The following PDZD2 variants were observed in gnomAD, a reference collection of about 807,000 sequenced individuals.
The protein encoded by PDZD2 is PDZ domain containing 2, also known as PDZ domain-containing protein 2.
In PDZD2, 90 loss-of-function variants were observed where a neutral mutation model predicts 220.7. The observed-to-expected ratio is 0.41, with a 90% CI of 0.34 to 0.49. The LOEUF is 0.49. Among genes scored for constraint, PDZD2 ranks in the 20% least tolerant of loss-of-function variants. The pLI is 0.28. For synonymous variants in PDZD2, 1,375 were observed against 1,450.5 expected, an observed-to-expected ratio of 0.95 and a Z score of 1.18; for missense variants, 3,174 against 3,608.5, an observed-to-expected ratio of 0.88 and a Z score of 3.08.
chr5:31,953,708 G>A (rs953408022), intron 2 of PDZD2, among the ~76,000 whole-genome samples: 2 of 150,668 alleles, frequency 1.3e-5, no homozygotes, highest in African/African-American at 4.9e-5. Flanking sequence ...AGGCTGGAGT[G>A]CAGTGGCACA....
chr5:31,755,400 G>C (rs191582126), intron 1 of PDZD2, among the ~76,000 whole-genome samples: 1 of 152,178 alleles, frequency 6.6e-6, no homozygotes, highest in Non-Finnish European at 1.5e-5. Flanking sequence ...ATTTCGGGGT[G>C]GGGGGCGGTG....
At chr5:31,832,570 T>C (rs1756673342) in intron 2 of PDZD2, 1 of 152,194 alleles carries the variant, frequency 6.6e-6, no homozygotes, top group African/African-American at 2.4e-5. Context: ...ATCCCAGCAC[T>C]TTTGGGGGAC....
At chr5:31,785,027 T>C (rs996519368) in intron 1 of PDZD2, among the ~76,000 whole-genome samples, 2 of 152,326 alleles carry the variant, frequency 1.3e-5, no homozygotes, top group Admixed American at 6.5e-5. Flanking sequence ...TGCCTGAAGC[T>C]ACCTGAGCTA....
chr5:31,651,638 A>ATTTT (rs1261752746), intron 1 of PDZD2, among the ~76,000 whole-genome samples: 2,869 of 151,318 alleles, frequency 0.019, 102 homozygotes, highest in African/African-American at 0.065. Context: ...TTATTTATTT[A>ATTTT]TTTATTTTTT....
chr5:32,030,575 T>A (rs550147805), intron 6 of PDZD2, among the ~76,000 whole-genome samples: 1 of 152,376 alleles, frequency 6.6e-6, no homozygotes, highest in South Asian at 2.1e-4. Context: ...GGGTGTTTTT[T>A]AAAAAGTATT....
intron 1 of PDZD2, among the ~76,000 whole-genome samples, chr5:31,773,463 AC>A (rs968253317): frequency 1.4e-5 from 2 of 145,576 alleles, no homozygotes; most frequent in Non-Finnish European, 3.0e-5. Flanking sequence ...ACATGGCAAA[AC>A]CCTGTCTCTA....
chr5:31,680,002 TC>T (rs1222146038), intron 1 of PDZD2, among the ~76,000 whole-genome samples: 2 of 152,198 alleles, frequency 1.3e-5, no homozygotes, highest in African/African-American at 2.4e-5. Flanking sequence ...AATGTTTAGC[TC>T]CAAAAGGTTT....
At position 31,799,556 on chromosome 5, in the gene PDZD2, G is replaced by T; in HGVS notation, c.308G>T (p.Gly103Val). ...FGDYGEKRRGGKKRKTHQGPV... is the reference protein window; with the variant it reads ...FGDYGEKRRGVKKRKTHQGPV... ...GACTATGGTGAAAAGCGCAGGGGGG[G>T]CAAGAAGAGGAAAACCCACCAGGGT... Residue 103 changes from glycine (G) to valine (V), a missense_variant, in exon 2 of 25, where the codon GGC (glycine) becomes GTC (valine). Transcript: ENST00000438447. 6.2e-7 allele frequency: 1 copy of T among 1,614,144 alleles called. No homozygotes were observed. The highest frequency in any genetic ancestry group is 8.5e-7 in the Non-Finnish European group (1 of 1,179,994).
At chr5:31,673,748 A>G (rs1284316265) in intron 1 of PDZD2, among the ~76,000 whole-genome samples, 1 of 152,138 alleles carries the variant, frequency 6.6e-6, no homozygotes, top group Non-Finnish European at 1.5e-5. Context: ...AGGCAGGTGG[A>G]TCATCTGAGG....
intron 6 of PDZD2, among the ~76,000 whole-genome samples, chr5:32,031,120 C>A (rs558647625): frequency 6.6e-6 from 1 of 152,248 alleles, no homozygotes; most frequent in East Asian, 1.9e-4. Flanking sequence ...GGTTTTGACT[C>A]TCAGGTAGCT....
intron 6 of PDZD2, among the ~76,000 whole-genome samples, chr5:32,023,814 G>A (rs1237757142): frequency 2.0e-5 from 3 of 152,144 alleles, no homozygotes; most frequent in African/African-American, 7.2e-5. Context: ...TTTGCTTCCT[G>A]CAGTTTCATT....
chr5:31,930,820 A>G (rs534409311), intron 2 of PDZD2, among the ~76,000 whole-genome samples: 8 of 152,222 alleles, frequency 5.3e-5, no homozygotes, highest in African/African-American at 1.9e-4. Flanking sequence ...CTGTAATCCC[A>G]GTACTTTGGG....
chr5:31,687,439 G>A (rs566897362), intron 1 of PDZD2, among the ~76,000 whole-genome samples: 47 of 152,296 alleles, frequency 3.1e-4, no homozygotes, highest in African/African-American at 9.1e-4. Context: ...TCACCAGAAT[G>A]ATCTTTAACA....
intron 24 of PDZD2, among the ~76,000 whole-genome samples, chr5:32,104,553 G>A (rs901938747): frequency 7.3e-5 from 11 of 150,320 alleles, no homozygotes; most frequent in East Asian, 4.0e-4. Flanking sequence ...GTGAAACCCC[G>A]TCTCTACTAA....
intron 2 of PDZD2, among the ~76,000 whole-genome samples, chr5:31,979,658 G>A (rs115403939): frequency 0.011 from 1,603 of 152,094 alleles, 38 homozygotes; most frequent in African/African-American, 0.036. Context: ...GGGATGACTT[G>A]CTCCTCTTAT....
At chr5:31,700,334 G>A (rs1016955234) in intron 1 of PDZD2, among the ~76,000 whole-genome samples, 3 of 152,152 alleles carry the variant, frequency 2.0e-5, no homozygotes, top group Non-Finnish European at 2.9e-5. Context: ...GAGGTGGGGT[G>A]AGGAAAGGGC....
At chr5:31,960,208 T>C (rs1020204660) in intron 2 of PDZD2, among the ~76,000 whole-genome samples, 1 of 151,674 alleles carries the variant, frequency 6.6e-6, no homozygotes, top group Non-Finnish European at 1.5e-5. Context: ...CTTCCTTTCC[T>C]TCCTTCTTTC....
At chr5:31,829,623 A>C (rs1580841556) in intron 2 of PDZD2, among the ~76,000 whole-genome samples, 1 of 152,118 alleles carries the variant, frequency 6.6e-6, no homozygotes, top group Non-Finnish European at 1.5e-5. Flanking sequence ...AGCCCAGCTT[A>C]GTGAATTTTT....
intron 24 of PDZD2, 100 bp downstream of exon 24, chr5:32,101,339 A>G: frequency 1.8e-6 from 2 of 1,101,668 alleles, no homozygotes; most frequent in Non-Finnish European, 2.6e-6. Flanking sequence ...CAAAAAACCT[A>G]AACTGTTTTT....
Sources: allele counts gnomAD v4.1 joint callset (sites outside exome capture counted in the v4.1 genomes callset), GRCh38; gene constraint gnomAD v4.1.1; transcripts MANE v1.5; gene names NCBI Gene and HGNC (gene_info 2026-07-23, HGNC 2026-07-21).